The following SYNPO2 variants were observed in gnomAD, a reference collection of about 807,000 sequenced individuals.
SYNPO2 encodes synaptopodin-2.
In SYNPO2, 56 loss-of-function variants were observed where a neutral mutation model predicts 85.0. The observed-to-expected ratio is 0.66, with a 90% CI of 0.53 to 0.82. The LOEUF is 0.82. Ranked by LOEUF, SYNPO2 falls within the 40% of genes least tolerant of loss-of-function variation. The pLI is 0.00. For missense variants in SYNPO2, 1,575 were observed against 1,534.2 expected (o/e 1.03, Z -0.44); for synonymous variants, 602 against 591.1 (o/e 1.02, Z -0.27).
chr4:118,994,767 C>T (rs965987613), intron 1 of SYNPO2, among the ~76,000 whole-genome samples: 1 of 152,068 alleles, frequency 6.6e-6, no homozygotes, highest in Admixed American at 6.5e-5. Flanking sequence ...AGTTAAAAAT[C>T]GTAGGTGTTA....
intron 1 of SYNPO2, among the ~76,000 whole-genome samples, chr4:119,004,233 A>C: frequency 6.6e-6 from 1 of 152,084 alleles, no homozygotes; most frequent in East Asian, 1.9e-4. Context: ...CCTTTTTTTA[A>C]AAAAAAGTAT....
chr4:119,056,659 T>G (rs999958331), intron 4 of SYNPO2, among the ~76,000 whole-genome samples: 1 of 152,064 alleles, frequency 6.6e-6, no homozygotes, highest in Non-Finnish European at 1.5e-5. Flanking sequence ...GAAATAGGAA[T>G]GTAATACACA....
chr4:118,897,533 T>C (rs922747547), intron 1 of SYNPO2, among the ~76,000 whole-genome samples: 13 of 152,372 alleles, frequency 8.5e-5, no homozygotes, highest in African/African-American at 3.1e-4. Context: ...GAGTGTCATT[T>C]AACCCCAAAT....
intron 1 of SYNPO2, among the ~76,000 whole-genome samples, chr4:118,854,221 C>G (rs1177555251): frequency 6.6e-6 from 1 of 152,176 alleles, no homozygotes; most frequent in Non-Finnish European, 1.5e-5. Flanking sequence ...ATTGTACCTG[C>G]CCAGAGATCA....
At chr4:118,937,364 C>G (rs11944900) in intron 1 of SYNPO2, among the ~76,000 whole-genome samples, 4,121 of 152,178 alleles carry the variant, frequency 0.027, 186 homozygotes, top group African/African-American at 0.092. Flanking sequence ...GGTCTCTTTG[C>G]CTGACAAACT....
Position 119,058,167 on chromosome 4 carries a change from G to C in SYNPO2, c.*233G>C. 1 of 313,902 alleles carries C rather than the reference G, an allele frequency of 3.2e-6. No homozygotes were observed. Among genetic ancestry groups the C allele is most frequent in the Non-Finnish European group, 5.9e-6 (1 of 169,652 alleles). 19.4% of individuals were successfully genotyped at this position (313,902 alleles called of 1,614,324 possible). ...ATACTTCCTTGTTGGCTGATCCATA[G>C]AGCATTACTTGGAAGAAAATTTCAC... On this transcript the variant is annotated 3_prime_UTR_variant, in exon 5 of 5. Coordinates refer to ENST00000307142, the MANE Select transcript of SYNPO2 (RefSeq NM_133477.3).
chr4:118,934,657 T>C (rs896692706), intron 1 of SYNPO2, among the ~76,000 whole-genome samples: 1 of 152,194 alleles, frequency 6.6e-6, no homozygotes, highest in Non-Finnish European at 1.5e-5. Context: ...GAATGGATAC[T>C]GGAGACATAA....
rs1168414815 is a variant in SYNPO2 at position 119,022,760 on chromosome 4, TTA to T, written c.106-666_106-665del. Among the ~76,000 whole-genome samples, 167 of 143,306 alleles carry T rather than the reference TTA, an allele frequency of 1.2e-3. 1 individual carries two copies. Among genetic ancestry groups the T allele is most frequent in the African/African-American group, 3.9e-3 (157 of 39,808 alleles). 94.0% of individuals were successfully genotyped at this position (143,306 alleles called of 152,430 possible). A position where few individuals can be genotyped will look rare whatever the true frequency, so the allele number is the denominator to read the frequency against. On this transcript the variant is annotated intron_variant, in intron 1 of 4. Transcript: ENST00000307142. ...ATTTTATGTTTTATTTTATTTTATT[TTA>T]TATTTTATTTTATTTTATTTTATTT...
chr4:118,993,137 G>A (rs1469184487), intron 1 of SYNPO2, among the ~76,000 whole-genome samples: 1 of 152,114 alleles, frequency 6.6e-6, no homozygotes, highest in African/African-American at 2.4e-5. Context: ...TACTTACATT[G>A]TCAATTAAAT....
intron 4 of SYNPO2, among the ~76,000 whole-genome samples, chr4:119,039,049 T>C (rs1738626043): frequency 6.6e-6 from 1 of 152,132 alleles, no homozygotes; most frequent in Admixed American, 6.5e-5. Flanking sequence ...AAAAACTCAT[T>C]ACATTTGCAG....
chr4:119,004,837 C>T (rs1325068769), intron 1 of SYNPO2, among the ~76,000 whole-genome samples: 1 of 151,950 alleles, frequency 6.6e-6, no homozygotes, highest in Non-Finnish European at 1.5e-5. Flanking sequence ...GTTTACAGTC[C>T]CACCAACAGT....
At chr4:119,026,207 A>G (rs12511929) in intron 2 of SYNPO2, among the ~76,000 whole-genome samples, 36,343 of 152,198 alleles carry the variant, frequency 0.24, 4,848 homozygotes, top group East Asian at 0.41. Flanking sequence ...ATTGATCTGA[A>G]GGTGCTGGAT....
chr4:118,993,816 C>G (rs1191528705), intron 1 of SYNPO2, among the ~76,000 whole-genome samples: 1 of 152,174 alleles, frequency 6.6e-6, no homozygotes. Context: ...TTAAAGGACT[C>G]TTGAATGTTT....
At chr4:118,858,866 A>G (rs1196952526) in intron 1 of SYNPO2, among the ~76,000 whole-genome samples, 1 of 152,252 alleles carries the variant, frequency 6.6e-6, no homozygotes, top group Non-Finnish European at 1.5e-5. Context: ...TATGTAAGTC[A>G]CTAAAATACT....
At chr4:118,933,892 G>A (rs1424578531) in intron 1 of SYNPO2, among the ~76,000 whole-genome samples, 1 of 121,722 alleles carries the variant, frequency 8.2e-6, no homozygotes, top group African/African-American at 3.0e-5. Context: ...GTTTATACAT[G>A]TAGGATGAAA....
intron 4 of SYNPO2, chr4:119,036,682 C>G: frequency 2.0e-6 from 2 of 985,578 alleles, no homozygotes; most frequent in Non-Finnish European, 2.4e-6. Context: ...TCTGGAGAAG[C>G]CCTTGAATCA....
At chr4:118,940,798 A>C (rs1211537271) in intron 1 of SYNPO2, among the ~76,000 whole-genome samples, 3 of 152,156 alleles carry the variant, frequency 2.0e-5, no homozygotes, top group Admixed American at 2.0e-4. Flanking sequence ...GAGTGAGAGC[A>C]TTCCAGACAA....
At chr4:118,908,982 T>A (rs1338405962) in intron 1 of SYNPO2, among the ~76,000 whole-genome samples, 1 of 152,122 alleles carries the variant, frequency 6.6e-6, no homozygotes, top group Non-Finnish European at 1.5e-5. Flanking sequence ...CCCCGTAACA[T>A]AAAGGCATAG....
intron 1 of SYNPO2, among the ~76,000 whole-genome samples, chr4:118,971,923 G>A (rs770421965): frequency 6.6e-6 from 1 of 152,184 alleles, no homozygotes; most frequent in Admixed American, 6.5e-5. Flanking sequence ...GGAAAATAAT[G>A]GTTTCTTCAA....
Sources: gnomAD v4.1 joint callset for allele counts (sites outside exome capture counted in the v4.1 genomes callset) on GRCh38, gnomAD v4.1.1 for gene constraint, MANE v1.5 for transcripts, NCBI Gene and HGNC (gene_info 2026-07-23, HGNC 2026-07-21) for gene names.